LRGUK: variants seen among roughly 807,000 people sequenced by gnomAD.
LRGUK encodes the protein leucine-rich repeat and guanylate kinase domain-containing protein.
In LRGUK, 65 loss-of-function variants were observed where a neutral mutation model predicts 76.0. The ratio of observed to expected loss-of-function variants is 0.85; its 90% CI spans 0.70 to 1.05. The LOEUF (loss-of-function observed/expected upper bound fraction) is 1.05, where lower values mean the gene tolerates loss of function less well. LRGUK is among the 50% of genes least tolerant of loss of function. The pLI is 0.00. For missense variants in LRGUK, 758 were observed against 732.8 expected (o/e 1.03, Z -0.40); for synonymous variants, 268 against 265.6 (o/e 1.01, Z -0.09).
At chr7:134,184,993 A>G (rs1169364224) in intron 11 of LRGUK, among the ~76,000 whole-genome samples, 2 of 152,230 alleles carry the variant, frequency 1.3e-5, no homozygotes, top group East Asian at 3.9e-4. Context: ...TGCCAACGGC[A>G]CTGGAGCGTC....
rs113812136 is a variant in LRGUK, at chr7:134,148,530, C to T, written c.670+211C>T. On this transcript the variant is annotated intron_variant, in intron 5 of 15. Coordinates refer to ENST00000645682, the Ensembl canonical transcript of LRGUK. ...AATGAAACTGTGAGTCAAAGCTTGT[C>T]AAGAGTATCTTACCCTTGAAAAGCC... is the stretch of plus-strand genomic sequence containing the variant. 2.7e-3 allele frequency among the ~76,000 whole-genome samples: 407 copies of T among 152,236 alleles called. 1 individual carries two copies. The highest frequency in any genetic ancestry group is 0.01 in the South Asian group (49 of 4,828).
intron 16 of LRGUK, among the ~76,000 whole-genome samples, chr7:134,229,023 CAT>C (rs533394806): frequency 8.8e-4 from 134 of 152,148 alleles, no homozygotes; most frequent in African/African-American, 3.0e-3. Flanking sequence ...AAACATAAAA[CAT>C]ATAAAAATAA....
chr7:134,236,522 TC>T (rs774114405), intron 16 of LRGUK, among the ~76,000 whole-genome samples: 1 of 152,268 alleles, frequency 6.6e-6, no homozygotes, highest in East Asian at 1.9e-4. Flanking sequence ...TTCATCATGT[TC>T]TTCTGTCCCT....
intron 15 of LRGUK, among the ~76,000 whole-genome samples, chr7:134,208,514 G>A (rs1801100222): frequency 6.6e-6 from 1 of 152,158 alleles, no homozygotes; most frequent in Non-Finnish European, 1.5e-5. Context: ...ATTGTTCTAA[G>A]TTCCACTAAA....
At chr7:134,273,488 A>G in the LRGUK span, among the ~76,000 whole-genome samples, 75,273 of 151,382 alleles carry the variant, frequency 0.5, 19,093 homozygotes, top group African/African-American at 0.57. Context: ...AGAATCTATG[A>G]GCAGGGAAGC....
intron 1 of LRGUK, among the ~76,000 whole-genome samples, chr7:134,127,923 A>G (rs148116247): frequency 4.0e-4 from 61 of 152,152 alleles, no homozygotes; most frequent in Non-Finnish European, 7.1e-4. Flanking sequence ...GAGTTAACAC[A>G]GCGTCACTTT....
chr7:134,215,699 G>T (rs889054697), intron 15 of LRGUK, among the ~76,000 whole-genome samples: 1 of 152,036 alleles, frequency 6.6e-6, no homozygotes, highest in African/African-American at 2.4e-5. Context: ...ACCATAAAAA[G>T]ATCCACCAAG....
intron 2 of LRGUK, 34 bp from the exon 3 acceptor site, chr7:134,139,402 C>CAA (rs758362528): frequency 7.2e-7 from 1 of 1,389,510 alleles, no homozygotes; most frequent in South Asian, 1.2e-5. Context: ...CCTGATAAAG[C>CAA]AACATTAAAG....
At chr7:134,203,021 G>A in intron 15 of LRGUK, among the ~76,000 whole-genome samples, 1 of 152,050 alleles carries the variant, frequency 6.6e-6, no homozygotes, top group Non-Finnish European at 1.5e-5. Flanking sequence ...TGGCCAACAT[G>A]GTGAAACCCT....
intron 14 of LRGUK, among the ~76,000 whole-genome samples, chr7:134,200,626 T>C (rs1271958794): frequency 6.6e-6 from 1 of 152,190 alleles, no homozygotes; most frequent in Non-Finnish European, 1.5e-5. Context: ...AGTTGAACCA[T>C]ATGAAATTGT....
At chr7:134,150,252 G>A (rs373795222) in intron 5 of LRGUK, among the ~76,000 whole-genome samples, 55 of 150,406 alleles carry the variant, frequency 3.7e-4, no homozygotes, top group African/African-American at 1.2e-3. Context: ...TCCAGCCTGG[G>A]CTACAGAGCC....
chr7:134,168,153 T>C (rs1224236784), intron 7 of LRGUK, among the ~76,000 whole-genome samples: 3 of 151,778 alleles, frequency 2.0e-5, no homozygotes, highest in African/African-American at 7.3e-5. Context: ...AGGCCAGGAG[T>C]TTGAGACCAG....
chr7:134,225,195 T>C (rs1431576012), intron 16 of LRGUK, among the ~76,000 whole-genome samples: 1 of 137,220 alleles, frequency 7.3e-6, no homozygotes, highest in Non-Finnish European at 1.5e-5. Flanking sequence ...CATTTTAATA[T>C]AAAATGAAGA....
At chr7:134,131,598 C>T (rs1797310849) in intron 1 of LRGUK, among the ~76,000 whole-genome samples, 1 of 152,106 alleles carries the variant, frequency 6.6e-6, no homozygotes, top group African/African-American at 2.4e-5. Context: ...GTAGAGGGCA[C>T]TGTGATGTTG....
intron 12 of LRGUK, among the ~76,000 whole-genome samples, chr7:134,193,152 TCTAA>T (rs1427379063): frequency 6.6e-6 from 1 of 152,224 alleles, no homozygotes; most frequent in African/African-American, 2.4e-5. Flanking sequence ...CAATTTTTCC[TCTAA>T]CTTTGTCAAA....
intron 16 of LRGUK, among the ~76,000 whole-genome samples, chr7:134,235,385 A>G (rs1770166489): frequency 6.6e-6 from 1 of 152,186 alleles, no homozygotes; most frequent in African/African-American, 2.4e-5. Context: ...CTTTCCCCAG[A>G]TAGCCACATG....
intron 11 of LRGUK, among the ~76,000 whole-genome samples, chr7:134,191,134 T>A (rs1800226077): frequency 6.6e-6 from 1 of 152,072 alleles, no homozygotes; most frequent in South Asian, 2.1e-4. Flanking sequence ...GCCCTGAACA[T>A]ACAATTGGAA....
intron 14 of LRGUK, among the ~76,000 whole-genome samples, chr7:134,199,979 C>CA (rs1800681958): frequency 3.6e-5 from 2 of 54,866 alleles, no homozygotes; most frequent in Non-Finnish European, 6.9e-5. Flanking sequence ...ATTCTAGAAA[C>CA]TTTTATATAT....
At chr7:134,236,353 T>C (rs1241799438) in intron 16 of LRGUK, among the ~76,000 whole-genome samples, 1 of 152,170 alleles carries the variant, frequency 6.6e-6, no homozygotes, top group Admixed American at 6.5e-5. Flanking sequence ...TTTAGTCTTA[T>C]CTATTTTAAA....
Sources: gnomAD v4.1 joint callset for allele counts (sites outside exome capture counted in the v4.1 genomes callset) on GRCh38, gnomAD v4.1.1 for gene constraint, MANE v1.5 for transcripts, NCBI Gene and HGNC (gene_info 2026-07-23, HGNC 2026-07-21) for gene names.